Variants in BROX observed in about 807,000 individuals in gnomAD.
BROX encodes the protein BRO1 domain and CAAX motif containing.
A neutral mutation model predicts 61.0 loss-of-function variants in BROX; 53 were observed. The ratio of observed to expected loss-of-function variants is 0.87; its 90% confidence interval spans 0.70 to 1.09. The LOEUF (loss-of-function observed/expected upper bound fraction) is 1.09. Among genes scored for constraint, BROX ranks in the 50% least tolerant of loss-of-function variants. The probability of loss-of-function intolerance (pLI) is 0.00; values close to 1 mark genes in which losing one functional copy is unlikely to be tolerated. For synonymous variants in BROX, 152 were observed against 160.2 expected, an observed-to-expected ratio of 0.95 and a Z score of 0.38; for missense variants, 489 against 472.0, an observed-to-expected ratio of 1.04 and a Z score of -0.33.
rs1658040874 is a variant in BROX, at chr1:222,732,802, A to G, written c.*88A>G. The G allele has an allele frequency of 3.8e-6, 4 of 1,057,016 alleles. No individual in the cohort carries two copies. The highest frequency in any genetic ancestry group is 4.2e-6 in the Non-Finnish European group (3 of 712,322). The allele number at this position is 1,057,016 out of a possible 1,614,324, so 65.5% of individuals were successfully genotyped here. A position where few individuals can be genotyped will look rare whatever the true frequency, so the allele number is the denominator to read the frequency against. ...TTATTTCTCAAAATGATTTCTCTGA[A>G]GCTTGTAGAATAACTATTATATTCA... On this transcript the variant is annotated 3_prime_UTR_variant, in exon 13 of 13. Transcript: ENST00000340934.
intron 6 of BROX, 123 bp from the exon 7 acceptor site, chr1:222,725,327 T>G (rs1433926669): frequency 3.3e-6 from 2 of 601,314 alleles, no homozygotes; most frequent in Non-Finnish European, 2.9e-6. Flanking sequence ...TTGTTTATAC[T>G]CTGAATTTCT....
chr1:222,719,898 A>G (rs542185380), intron 4 of BROX, among the ~76,000 whole-genome samples: 2 of 152,218 alleles, frequency 1.3e-5, no homozygotes, highest in Non-Finnish European at 1.5e-5. Context: ...AGATCTAATT[A>G]TAACGAAACA....
At chr1:222,719,488 A>G in intron 4 of BROX, 129 bp downstream of exon 4, 2 of 642,514 alleles carry the variant, frequency 3.1e-6, no homozygotes, top group East Asian at 2.6e-5. Context: ...TTACCAGGAA[A>G]TTAATTAAAA....
chr1:222,721,836 A>T (rs1346369784), intron 4 of BROX, among the ~76,000 whole-genome samples: 1 of 152,050 alleles, frequency 6.6e-6, no homozygotes, highest in Non-Finnish European at 1.5e-5. Flanking sequence ...TGCTCCAGTC[A>T]AGCTCATTGG....
Position 222,719,254 on chromosome 1 carries a change from T to C in BROX, c.209-9T>C. ...TTCTAAAACTAAAATGTCTTGTACT[T>C]TTCTATAGGTTTCATAAATTCTTTG... On this transcript the variant is annotated splice_polypyrimidine_tract_variant and intron_variant, in intron 3 of 12. Coordinates refer to ENST00000340934, the MANE Select transcript of BROX (RefSeq NM_144695.4). 6.4e-7 allele frequency: 1 copy of C among 1,553,734 alleles called. No homozygotes were observed. Among genetic ancestry groups the C allele is most frequent in the Non-Finnish European group, 8.9e-7 (1 of 1,126,612 alleles).
rs1038953802 is a variant in BROX, at chr1:222,734,307, C to T, written c.*1593C>T. The T allele has an allele frequency of 6.6e-6, 1 of 152,158 alleles. No individual in the cohort carries two copies. Among genetic ancestry groups the T allele is most frequent in the African/African-American group, 2.4e-5 (1 of 41,434 alleles). 9.4% of individuals were successfully genotyped at this position (152,158 alleles called of 1,614,324 possible). The stretch of plus-strand genomic sequence containing the variant: ...ACTTACATAGATAAGCCATTGAATC[C>T]ACACAGCAGCCCTGTAAGAAATAAG... On this transcript the variant is annotated 3_prime_UTR_variant, in exon 13 of 13. Transcript: ENST00000340934.
At chr1:222,718,581 AT>A (rs1373064008) in intron 2 of BROX, among the ~76,000 whole-genome samples, 1 of 151,906 alleles carries the variant, frequency 6.6e-6, no homozygotes, top group African/African-American at 2.4e-5. Flanking sequence ...AAGTGCATGC[AT>A]TTGTTTGATT....
intron 10 of BROX, 144 bp from the exon 11 acceptor site, chr1:222,729,883 T>G (rs1372960528): frequency 1.0e-5 from 10 of 988,012 alleles, no homozygotes; most frequent in Non-Finnish European, 1.5e-6. Flanking sequence ...ATACACACCT[T>G]CTACTTACAG....
rs368644960 is a variant in BROX at position 222,725,408 on chromosome 1, T to C, written c.475-42T>C. 1.5e-4 allele frequency: 203 copies of C among 1,369,018 alleles called. 1 individual carries two copies. The African/African-American group carries it at 2.7e-3, about 18-fold the overall frequency. 84.8% of individuals were successfully genotyped at this position (1,369,018 alleles called of 1,614,324 possible). ...CTCTAACAACTGGATTAAAATAAAA[T>C]TTGGCTGCTTTGTTTTTTGTCTTTT... On this transcript the variant is annotated intron_variant, in intron 6 of 12. Transcript: ENST00000340934.
chr1:222,729,222 CTG>C (rs1657748883), intron 9 of BROX, among the ~76,000 whole-genome samples: 1 of 152,160 alleles, frequency 6.6e-6, no homozygotes, highest in Non-Finnish European at 1.5e-5. Context: ...ACGTATCAGT[CTG>C]TTATACCCAC....
At position 222,725,532 on chromosome 1, in the gene BROX, A is replaced by G. The variant is rs1657439692; in HGVS notation, c.557A>G (p.Gln186Arg). The change falls in exon 7 of 13, where the codon CAA becomes CGA. Residue 186 changes from glutamine (Q) to arginine (R), a missense_variant. By Grantham distance (43) the Gln-to-Arg change is conservative (BLOSUM62 1). Coordinates refer to ENST00000340934, the MANE Select transcript of BROX (RefSeq NM_144695.4). ...ESRLIEAYVI[Q>R]CQAEAQEVTI... ...CGACTCATAGAAGCATACGTTATTC[A>G]ATGTCAGGCTGAAGCTCAAGAAGGT... is the stretch of plus-strand genomic sequence containing the variant. 1 of 1,610,946 alleles carries G rather than the reference A, an allele frequency of 6.2e-7. No individual in the cohort carries two copies.
chr1:222,720,455 T>C (rs1656991826), intron 4 of BROX, among the ~76,000 whole-genome samples: 1 of 152,232 alleles, frequency 6.6e-6, no homozygotes, highest in South Asian at 2.1e-4. Context: ...TGACAGATTC[T>C]ATAATGTGTG....
At chr1:222,717,145 C>T (rs1010270410) in intron 2 of BROX, among the ~76,000 whole-genome samples, 2 of 152,202 alleles carry the variant, frequency 1.3e-5, no homozygotes, top group Non-Finnish European at 2.9e-5. Context: ...TGGTCACATA[C>T]AGTCACTGTT....
chr1:222,734,473 G>C lies in BROX; in HGVS notation c.*1759G>C, dbSNP rs1461258261. 1 of 152,010 alleles carries C rather than the reference G, an allele frequency of 6.6e-6. No homozygotes were observed. The highest frequency in any genetic ancestry group is 6.6e-5 in the Admixed American group (1 of 15,262). 9.4% of individuals were successfully genotyped at this position (152,010 alleles called of 1,614,324 possible). A position where few individuals can be genotyped will look rare whatever the true frequency, so the allele number is the denominator to read the frequency against. On this transcript the variant is annotated 3_prime_UTR_variant, in exon 13 of 13. Transcript: ENST00000340934. ...CATAGTTTACACTCCTTAAAAAAAG[G>C]TACATAAATTCAGTGAGGTTTTTTT...
rs928857832 is a variant in BROX at position 222,713,513 on chromosome 1, C to G, written c.-17+571C>G. ...AGTGTGTTAGCTTACAGCTTCGATCCGAATGTTGTATTGGTGGCTCTAAAG... is the reference window on the plus strand; with the variant it reads ...AGTGTGTTAGCTTACAGCTTCGATCGGAATGTTGTATTGGTGGCTCTAAAG... On this transcript the variant is annotated intron_variant, in intron 1 of 12. Coordinates refer to ENST00000340934, the MANE Select transcript of BROX (RefSeq NM_144695.4). 3.8e-5 allele frequency: 34 copies of G among 895,368 alleles called. No individual in the cohort carries two copies. The Admixed American group carries it at 9.3e-4, about 24-fold the overall frequency. The allele number at this position is 895,368 out of a possible 1,614,324, so 55.5% of individuals were successfully genotyped here.
chr1:222,728,372 AT>A (rs1196510114), intron 8 of BROX, among the ~76,000 whole-genome samples: 1 of 152,148 alleles, frequency 6.6e-6, no homozygotes, highest in African/African-American at 2.4e-5. Flanking sequence ...AGAGTATCCT[AT>A]TTCTGATTTG....
At chr1:222,721,842 A>C (rs1281803774) in intron 4 of BROX, among the ~76,000 whole-genome samples, 6 of 152,046 alleles carry the variant, frequency 3.9e-5, no homozygotes, top group Non-Finnish European at 8.8e-5. Flanking sequence ...AGTCAAGCTC[A>C]TTGGGTCACT....
intron 9 of BROX, among the ~76,000 whole-genome samples, chr1:222,729,343 C>A (rs1657763270): frequency 6.6e-6 from 1 of 152,110 alleles, no homozygotes; most frequent in African/African-American, 2.4e-5. Flanking sequence ...TATGCATTAG[C>A]ACAATAATTT....
At chr1:222,719,154 G>A (rs1656870249) in intron 3 of BROX, 109 bp from the exon 4 acceptor site, 4 of 1,260,334 alleles carry the variant, frequency 3.2e-6, no homozygotes, top group Non-Finnish European at 4.5e-6. Flanking sequence ...AAAAGAGCAA[G>A]AAGTTTCATT....
Sources: allele counts gnomAD v4.1 joint callset (sites outside exome capture counted in the v4.1 genomes callset), GRCh38; gene constraint gnomAD v4.1.1; transcripts MANE v1.5; gene names NCBI Gene and HGNC (gene_info 2026-07-23, HGNC 2026-07-21).